The following SLIT2 variants were observed in gnomAD, a reference collection of about 807,000 sequenced individuals.
SLIT2 encodes slit guidance ligand 2, also known as slit homolog 2 protein.
A neutral mutation model predicts 185.7 loss-of-function variants in SLIT2; 41 were observed. The ratio of observed to expected loss-of-function variants is 0.22; its 90% CI spans 0.17 to 0.29. The LOEUF is 0.29. Among genes scored for constraint, SLIT2 ranks in the 10% least tolerant of loss-of-function variants. The pLI, the probability that SLIT2 is intolerant of heterozygous loss-of-function variation, is 1.00. For synonymous variants in SLIT2, 693 were observed against 680.2 expected (o/e 1.02, Z -0.29); for missense variants, 1,571 against 1,909.0 (o/e 0.82, Z 3.30).
intron 29 of SLIT2, among the ~76,000 whole-genome samples, chr4:20,571,608 G>A (rs1376274923): frequency 6.6e-6 from 1 of 152,122 alleles, no homozygotes; most frequent in Non-Finnish European, 1.5e-5. Context: ...CAGTTAAGGA[G>A]GAATTTTCTT....
chr4:20,523,223 CAG>C (rs891811288), intron 12 of SLIT2, among the ~76,000 whole-genome samples: 6 of 152,104 alleles, frequency 3.9e-5, no homozygotes, highest in African/African-American at 1.2e-4. Context: ...GGGAAGATTG[CAG>C]AGTTCTGAAG....
At chr4:20,471,032 G>A (rs1714943797) in intron 5 of SLIT2, among the ~76,000 whole-genome samples, 1 of 152,142 alleles carries the variant, frequency 6.6e-6, no homozygotes, top group Non-Finnish European at 1.5e-5. Flanking sequence ...TGTGGATGAT[G>A]AGTGATGTTG....
At chr4:20,605,840 G>T (rs1041301792) in intron 33 of SLIT2, among the ~76,000 whole-genome samples, 1 of 151,086 alleles carries the variant, frequency 6.6e-6, no homozygotes, top group Non-Finnish European at 1.5e-5. Context: ...TCTGCCTCCC[G>T]GGTTCAAGCA....
chr4:20,299,494 T>C (rs1716837640), intron 4 of SLIT2, among the ~76,000 whole-genome samples: 1 of 152,182 alleles, frequency 6.6e-6, no homozygotes, highest in African/African-American at 2.4e-5. Flanking sequence ...TTTTATCTAT[T>C]TCAATAAATT....
At chr4:20,543,931 G>A (rs1231120212) in intron 21 of SLIT2, among the ~76,000 whole-genome samples, 1 of 151,960 alleles carries the variant, frequency 6.6e-6, no homozygotes, top group Non-Finnish European at 1.5e-5. Context: ...ATCACATAGG[G>A]ATATTCCGAA....
At chr4:20,609,590 A>G (rs1560237357) in intron 33 of SLIT2, among the ~76,000 whole-genome samples, 1 of 152,212 alleles carries the variant, frequency 6.6e-6, no homozygotes, top group Non-Finnish European at 1.5e-5. Context: ...GCAGTTGCCT[A>G]AGGTCGATGT....
chr4:20,457,177 C>G (rs1713168624), intron 4 of SLIT2, among the ~76,000 whole-genome samples: 1 of 151,940 alleles, frequency 6.6e-6, no homozygotes, highest in African/African-American at 2.4e-5. Context: ...TGACCACAAC[C>G]AGGCATAGCA....
intron 29 of SLIT2, among the ~76,000 whole-genome samples, chr4:20,585,035 A>G (rs1726933495): frequency 6.6e-6 from 1 of 152,162 alleles, no homozygotes; most frequent in Non-Finnish European, 1.5e-5. Context: ...AGCCTGACTG[A>G]CAGAGCAAGA....
At chr4:20,401,785 G>A (rs1726384050) in intron 4 of SLIT2, among the ~76,000 whole-genome samples, 1 of 151,856 alleles carries the variant, frequency 6.6e-6, no homozygotes. Context: ...GAATAACACT[G>A]TCACAGGTTG....
At chr4:20,516,058 G>A (rs1405404962) in intron 11 of SLIT2, among the ~76,000 whole-genome samples, 7 of 152,142 alleles carry the variant, frequency 4.6e-5, no homozygotes, top group African/African-American at 9.7e-5. Flanking sequence ...CTGGTGATCC[G>A]GCCGCCTGGG....
intron 4 of SLIT2, among the ~76,000 whole-genome samples, chr4:20,432,026 TGA>T (rs55876105): frequency 1.3e-5 from 2 of 149,738 alleles, no homozygotes; most frequent in African/African-American, 2.5e-5. Flanking sequence ...CTTGTGTGTG[TGA>T]GAGAGAGAGA....
Position 20,516,580 on chromosome 4 carries a change from A to G in SLIT2, c.1059-2802A>G, listed in dbSNP as rs533197119. Among the ~76,000 whole-genome samples, 234 of 152,148 alleles carry G rather than the reference A, an allele frequency of 1.5e-3. 1 individual carries two copies. The highest frequency in any genetic ancestry group is 5.3e-3 in the African/African-American group (219 of 41,518). On this transcript the variant is annotated intron_variant, in intron 11 of 36. Coordinates refer to ENST00000504154, the MANE Select transcript of SLIT2 (RefSeq NM_004787.4). ...TCTCACTGGCCTTCTCTTAGTTTAT[A>G]TCTTTATGTGATGATATTTCTTTCC...
chr4:20,595,857 C>T, intron 31 of SLIT2, 23 bp downstream of exon 31: 1 of 1,605,642 alleles, frequency 6.2e-7, no homozygotes, highest in Non-Finnish European at 8.5e-7. Flanking sequence ...ATGAATAAGA[C>T]CTAGTGTTCA....
chr4:20,251,993 A>G lies in SLIT2; in HGVS notation c.-1823A>G, dbSNP rs1722078330. ...CTGCCGCAGACTGTGGTTAAAAAAAAGAAGGCGGCGGCGGCGGCGGCGGCG... is the reference window on the plus strand; with the variant it reads ...CTGCCGCAGACTGTGGTTAAAAAAAGGAAGGCGGCGGCGGCGGCGGCGGCG... On this transcript the variant is annotated 5_prime_UTR_variant, in exon 1 of 37. Transcript: ENST00000504154. Among the ~76,000 whole-genome samples, 1 of 151,698 alleles carries G rather than the reference A, an allele frequency of 6.6e-6. No individual in the cohort carries two copies. Among genetic ancestry groups the G allele is most frequent in the East Asian group, 1.9e-4 (1 of 5,136 alleles).
At chr4:20,523,496 A>G (rs1215257277) in intron 12 of SLIT2, among the ~76,000 whole-genome samples, 1 of 152,186 alleles carries the variant, frequency 6.6e-6, no homozygotes, top group African/African-American at 2.4e-5. Context: ...CCACCTTTGT[A>G]TCTTCCAGAG....
intron 8 of SLIT2, chr4:20,490,020 G>A (rs1477904903): frequency 6.6e-6 from 1 of 152,260 alleles, no homozygotes. Context: ...CCCCGGAGGT[G>A]GAGCTTGCAG....
intron 4 of SLIT2, among the ~76,000 whole-genome samples, chr4:20,465,719 G>A (rs1360582664): frequency 1.3e-5 from 2 of 152,280 alleles, no homozygotes; most frequent in East Asian, 3.9e-4. Flanking sequence ...ACGGCATTCT[G>A]ACTGTGCATT....
rs199970947 is a variant in SLIT2 at position 20,488,944 on chromosome 4, A to C, written c.737A>C (p.Asn246Thr). Reference sequence around the variant, plus strand: ...GGCCCCTCCCACCTGAGAGGCCATAATGTAGCCGAGGTTCAAAAACGAGAA... The same window carrying C: ...GGCCCCTCCCACCTGAGAGGCCATACTGTAGCCGAGGTTCAAAAACGAGAA... ...CMGPSHLRGH[N>T]VAEVQKREFV... is the part of the protein sequence containing the mutation. Residue 246 changes from asparagine (N) to threonine (T), a missense_variant, in exon 8 of 37, where the codon AAT becomes ACT. Around this residue, in one of 3 missense-constraint regions of SLIT2, gnomAD observed 1,202 missense variants for 1,416.4 expected, o/e 0.85. Coordinates refer to ENST00000504154, the MANE Select transcript of SLIT2 (RefSeq NM_004787.4). 6.2e-7 allele frequency: 1 copy of C among 1,611,564 alleles called. No individual in the cohort carries two copies. Among genetic ancestry groups the C allele is most frequent in the East Asian group, 2.2e-5 (1 of 44,820 alleles).
At chr4:20,467,914 G>A in intron 5 of SLIT2, 91 bp downstream of exon 5, 1 of 638,164 alleles carries the variant, frequency 1.6e-6, no homozygotes, top group Admixed American at 3.0e-5. Context: ...GAAAGAAATG[G>A]TGAAAACCCT....
Sources: gnomAD v4.1 joint callset for allele counts (sites outside exome capture counted in the v4.1 genomes callset) on GRCh38, gnomAD v4.1.1 for gene constraint, gnomAD v4.1.1 regional missense constraint, MANE v1.5 for transcripts, NCBI Gene and HGNC (gene_info 2026-07-23, HGNC 2026-07-21) for gene names.